Variants in RBPMS observed in about 807,000 individuals in gnomAD.
RBPMS encodes the protein RNA-binding protein with multiple splicing.
A neutral mutation model predicts 26.8 loss-of-function variants in RBPMS; 7 were observed. That is an observed-to-expected ratio of 0.26 (90% confidence interval 0.15 to 0.49). The LOEUF (loss-of-function observed/expected upper bound fraction) is 0.49. RBPMS is among the 20% of genes least tolerant of loss of function. The pLI, the probability that RBPMS is intolerant of heterozygous loss-of-function variation, is 0.98. For missense variants in RBPMS, 186 were observed against 250.0 expected (o/e 0.74, Z 1.73); for synonymous variants, 96 against 93.3 (o/e 1.03, Z -0.17).
rs143282739 is a variant in RBPMS, at chr8:30,416,893, C to T, written c.66+31735C>T. Among the ~76,000 whole-genome samples, 1,269 of 152,238 alleles carry T rather than the reference C, an allele frequency of 8.3e-3. 17 individuals are homozygous for T. The highest frequency in any genetic ancestry group is 0.028 in the African/African-American group (1,181 of 41,542). ...CAAGTAAGTCTCCTGTCTCAGCCTC[C>T]CAAATAGCTGGGATTACAGGCATGC... On this transcript the variant is annotated intron_variant, in intron 1 of 8. Transcript: ENST00000397323.
chr8:30,463,301 G>A (rs1585553054), intron 1 of RBPMS, among the ~76,000 whole-genome samples: 1 of 152,338 alleles, frequency 6.6e-6, no homozygotes, highest in African/African-American at 2.4e-5. Context: ...GCTTGGCTAG[G>A]TGGATCTAGC....
intron 4 of RBPMS, 108 bp from the exon 5 acceptor site, chr8:30,504,178 A>G (rs1232376719): frequency 1.7e-6 from 2 of 1,153,650 alleles, no homozygotes; most frequent in East Asian, 2.3e-5. Flanking sequence ...GTGGTTGCTG[A>G]CCTTTTTTCC....
At chr8:30,539,620 T>A (rs143858330) in intron 5 of RBPMS, among the ~76,000 whole-genome samples, 3,495 of 150,472 alleles carry the variant, frequency 0.023, 133 homozygotes, top group African/African-American at 0.076. Context: ...ATCTTTTTTT[T>A]AAAAAATCTT....
At chr8:30,538,317 C>T (rs1335560020) in intron 5 of RBPMS, among the ~76,000 whole-genome samples, 1 of 151,844 alleles carries the variant, frequency 6.6e-6, no homozygotes, top group African/African-American at 2.4e-5. Flanking sequence ...TGCAGTGGTG[C>T]GATCTTGGCA....
chr8:30,384,612 C>T lies in RBPMS; in HGVS notation c.-481C>T, dbSNP rs1467711154. Reference sequence around the variant, plus strand: ...CCCAGCCGCGGCCCGCGCTCCTCCGCCCCGCTCCTCCTCCTCCTCTTCCTC... The same window carrying T: ...CCCAGCCGCGGCCCGCGCTCCTCCGTCCCGCTCCTCCTCCTCCTCTTCCTC... On this transcript the variant is annotated 5_prime_UTR_variant, in exon 1 of 9. Transcript: ENST00000397323. The surrounding 1 kb of genome is among the most constrained non-coding windows in gnomAD (Gnocchi z 5.6). 3.1e-5 allele frequency: 5 copies of T among 159,566 alleles called. No homozygotes were observed. Among genetic ancestry groups the T allele is most frequent in the African/African-American group, 7.2e-5 (3 of 41,546 alleles). 9.9% of individuals were successfully genotyped at this position (159,566 alleles called of 1,614,324 possible). A position where few individuals can be genotyped will look rare whatever the true frequency, so the allele number is the denominator to read the frequency against.
At chr8:30,567,256 G>A (rs1453733123) in intron 8 of RBPMS, among the ~76,000 whole-genome samples, 1 of 152,204 alleles carries the variant, frequency 6.6e-6, no homozygotes, top group Non-Finnish European at 1.5e-5. Context: ...AGGGGCTTAA[G>A]TCACTTCATA....
intron 1 of RBPMS, among the ~76,000 whole-genome samples, chr8:30,459,140 T>G (rs140549412): frequency 0.021 from 3,161 of 151,900 alleles, 129 homozygotes; most frequent in African/African-American, 0.073. Flanking sequence ...TTTTGTATTT[T>G]TAGTGGAGAC....
intron 6 of RBPMS, among the ~76,000 whole-genome samples, chr8:30,551,951 T>C (rs151102611): frequency 1.3e-5 from 2 of 152,260 alleles, no homozygotes; most frequent in African/African-American, 4.8e-5. Context: ...TAGTTATGAT[T>C]AAAATAGTTC....
chr8:30,448,874 TTTTC>T (rs1169888864), intron 1 of RBPMS, among the ~76,000 whole-genome samples: 1 of 152,256 alleles, frequency 6.6e-6, no homozygotes, highest in African/African-American at 2.4e-5. Context: ...TCTTCATTTC[TTTTC>T]TATGTCCAGA....
chr8:30,527,355 T>G (rs539642846), intron 5 of RBPMS, among the ~76,000 whole-genome samples: 1 of 152,272 alleles, frequency 6.6e-6, no homozygotes, highest in East Asian at 1.9e-4. Context: ...TTCTGGGGTC[T>G]CCCAGCCTCA....
chr8:30,421,405 G>A (rs986757510), intron 1 of RBPMS, among the ~76,000 whole-genome samples: 2 of 152,088 alleles, frequency 1.3e-5, no homozygotes, highest in African/African-American at 4.8e-5. Flanking sequence ...AGAACATGTA[G>A]GAATTATGTC....
intron 1 of RBPMS, among the ~76,000 whole-genome samples, chr8:30,429,627 GGTT>G (rs1401257726): frequency 1.3e-5 from 2 of 152,016 alleles, no homozygotes; most frequent in African/African-American, 4.8e-5. Context: ...TTAGCAATTG[GGTT>G]GTTAAGTCAC....
chr8:30,539,179 C>G (rs1825122406), intron 5 of RBPMS, among the ~76,000 whole-genome samples: 1 of 152,060 alleles, frequency 6.6e-6, no homozygotes, highest in Non-Finnish European at 1.5e-5. Context: ...TTTGGATTTT[C>G]TGTGTCATGG....
intron 1 of RBPMS, among the ~76,000 whole-genome samples, chr8:30,391,647 T>G (rs1807804326): frequency 6.6e-6 from 1 of 152,150 alleles, no homozygotes; most frequent in Non-Finnish European, 1.5e-5. Context: ...TGGGGATAAC[T>G]CCTCACACTC....
chr8:30,429,275 A>T (rs1413050509), intron 1 of RBPMS, among the ~76,000 whole-genome samples: 3 of 152,118 alleles, frequency 2.0e-5, no homozygotes, highest in Non-Finnish European at 4.4e-5. Flanking sequence ...GGGGCCTCAG[A>T]GGGGACCTTC....
intron 1 of RBPMS, among the ~76,000 whole-genome samples, chr8:30,451,336 A>T (rs191213200): frequency 1.3e-5 from 2 of 152,326 alleles, no homozygotes; most frequent in African/African-American, 4.8e-5. Flanking sequence ...ATGACATATT[A>T]TCAAGAATTG....
At chr8:30,494,182 A>G (rs1416948150) in intron 4 of RBPMS, among the ~76,000 whole-genome samples, 1 of 152,248 alleles carries the variant, frequency 6.6e-6, no homozygotes, top group Non-Finnish European at 1.5e-5. Flanking sequence ...TGGGGGAAAC[A>G]CAGGAAATAA....
chr8:30,541,189 C>G (rs1334441281), intron 5 of RBPMS, among the ~76,000 whole-genome samples: 1 of 152,090 alleles, frequency 6.6e-6, no homozygotes, highest in Non-Finnish European at 1.5e-5. Flanking sequence ...TCAATGTGAC[C>G]GTAGACTGTA....
At chr8:30,505,908 G>GT (rs1012716168) in intron 5 of RBPMS, among the ~76,000 whole-genome samples, 13 of 152,090 alleles carry the variant, frequency 8.5e-5, no homozygotes, top group African/African-American at 3.1e-4. Flanking sequence ...ATAACCTAAA[G>GT]TAATTCTTTG....
Sources: allele counts gnomAD v4.1 joint callset (sites outside exome capture counted in the v4.1 genomes callset), GRCh38; gene constraint gnomAD v4.1.1; non-coding constraint Gnocchi (gnomAD v3.1); transcripts MANE v1.5; gene names NCBI Gene and HGNC (gene_info 2026-07-23, HGNC 2026-07-21).